SYT14: variants seen among roughly 807,000 people sequenced by gnomAD.
The protein encoded by SYT14 is synaptotagmin 14.
SYT14 carries 32 observed loss-of-function variants against 74.2 expected under a neutral mutation model. The observed-to-expected ratio is 0.43, with a 90% CI of 0.33 to 0.58. The LOEUF is 0.58. Among genes scored for constraint, SYT14 ranks in the 20% least tolerant of loss-of-function variants. SYT14 has a pLI of 0.05. For synonymous variants in SYT14, 298 were observed against 337.7 expected, an observed-to-expected ratio of 0.88 and a Z score of 1.29; for missense variants, 791 against 981.8, an observed-to-expected ratio of 0.81 and a Z score of 2.60.
intron 5 of SYT14, among the ~76,000 whole-genome samples, chr1:210,050,900 A>C (rs2080981619): frequency 6.6e-6 from 1 of 152,224 alleles, no homozygotes; most frequent in Non-Finnish European, 1.5e-5. Flanking sequence ...GGATGGAGAC[A>C]CAGCCAAACC....
chr1:209,942,222 T>C (rs990643916), intron 1 of SYT14, among the ~76,000 whole-genome samples: 19 of 152,138 alleles, frequency 1.2e-4, no homozygotes, highest in Non-Finnish European at 2.1e-4. Context: ...ACACAGAATT[T>C]TCCTGACTTA....
intron 5 of SYT14, among the ~76,000 whole-genome samples, chr1:210,084,824 T>G (rs868614924): frequency 1.3e-5 from 2 of 152,226 alleles, no homozygotes; most frequent in Admixed American, 6.5e-5. Flanking sequence ...ATCTTCTAAT[T>G]AAGTTTATGA....
At chr1:210,017,031 C>T (rs79099901) in exon 4 of SYT14, 1 of 1,231,572 alleles carries the variant, frequency 8.1e-7, no homozygotes, top group Non-Finnish European at 1.0e-6. Flanking sequence ...AAAACTGAGG[C>T]CATTTCTGCC....
intron 7 of SYT14, among the ~76,000 whole-genome samples, chr1:210,149,802 A>G (rs1394204493): frequency 1.3e-5 from 2 of 152,128 alleles, no homozygotes; most frequent in Non-Finnish European, 2.9e-5. Flanking sequence ...TAATAACTGC[A>G]CAGCAAGAGC....
At chr1:210,122,711 G>T (rs1294088424) in intron 7 of SYT14, among the ~76,000 whole-genome samples, 1 of 151,822 alleles carries the variant, frequency 6.6e-6, no homozygotes, top group East Asian at 1.9e-4. Context: ...CCTGTAGTTT[G>T]CTTACTTCTG....
At chr1:210,096,561 C>G (rs922485931) in intron 6 of SYT14, among the ~76,000 whole-genome samples, 2 of 152,218 alleles carry the variant, frequency 1.3e-5, no homozygotes, top group Non-Finnish European at 2.9e-5. Flanking sequence ...TCCTGTCTCA[C>G]TGTCTTCTTT....
intron 2 of SYT14, among the ~76,000 whole-genome samples, chr1:209,962,833 C>T (rs2079097375): frequency 6.6e-6 from 1 of 151,978 alleles, no homozygotes; most frequent in Non-Finnish European, 1.5e-5. Flanking sequence ...GAGAGCCCAT[C>T]CTGTACCTCA....
At chr1:210,019,024 T>C (rs964006501) in intron 4 of SYT14, among the ~76,000 whole-genome samples, 1 of 149,074 alleles carries the variant, frequency 6.7e-6, no homozygotes, top group Non-Finnish European at 1.5e-5. Flanking sequence ...TAATCCCAGC[T>C]ACTTGGGAGG....
At chr1:210,154,597 C>T (rs1419979589) in intron 7 of SYT14, among the ~76,000 whole-genome samples, 2 of 152,010 alleles carry the variant, frequency 1.3e-5, no homozygotes, top group African/African-American at 4.8e-5. Flanking sequence ...TGTTATTCGT[C>T]CCTTTTTTCT....
intron 5 of SYT14, among the ~76,000 whole-genome samples, chr1:210,032,267 C>T (rs541120659): frequency 6.6e-6 from 1 of 152,200 alleles, no homozygotes; most frequent in South Asian, 2.1e-4. Context: ...ATACCAGCTG[C>T]TTCCATAGCC....
intron 7 of SYT14, among the ~76,000 whole-genome samples, chr1:210,119,095 T>C (rs1572335194): frequency 6.6e-6 from 1 of 152,190 alleles, no homozygotes; most frequent in African/African-American, 2.4e-5. Context: ...GAATATGTAT[T>C]TTATAAGAAT....
chr1:210,101,014 C>T (rs1558189451), intron 7 of SYT14, among the ~76,000 whole-genome samples: 1 of 152,124 alleles, frequency 6.6e-6, no homozygotes, highest in Non-Finnish European at 1.5e-5. Context: ...TAAAGTATTT[C>T]AGGAGAACCC....
chr1:210,112,612 G>T lies in SYT14; in HGVS notation c.2034+12151G>T, dbSNP rs541420603. On this transcript the variant is annotated intron_variant, in intron 7 of 9. Coordinates refer to ENST00000637265, the Ensembl canonical transcript of SYT14. ...GGACGGAAGTTGGAAGCTAGCTGCT[G>T]CTTTAGCTACCTTGTCAGCAGAAGT... 7.2e-4 allele frequency among the ~76,000 whole-genome samples: 109 copies of T among 151,490 alleles called. 2 individuals are homozygous for T. Among genetic ancestry groups the T allele is most frequent in the Admixed American group, 3.0e-3 (46 of 15,282 alleles).
chr1:210,005,355 A>T (rs1470981275), intron 2 of SYT14, among the ~76,000 whole-genome samples: 2 of 151,992 alleles, frequency 1.3e-5, no homozygotes, highest in Non-Finnish European at 2.9e-5. Context: ...AAATCTTGAA[A>T]TAAGCTTATC....
chr1:210,118,373 T>A (rs1212475374), intron 7 of SYT14, among the ~76,000 whole-genome samples: 2 of 152,180 alleles, frequency 1.3e-5, no homozygotes, highest in African/African-American at 4.8e-5. Context: ...AAACATGCCT[T>A]CTTCATTATT....
At chr1:210,121,772 C>T (rs887504829) in intron 7 of SYT14, among the ~76,000 whole-genome samples, 45 of 146,414 alleles carry the variant, frequency 3.1e-4, no homozygotes, top group African/African-American at 5.8e-4. Context: ...CTAGCCTGGG[C>T]GACAGAGCGA....
intron 2 of SYT14, among the ~76,000 whole-genome samples, chr1:209,956,870 G>A (rs1312855406): frequency 1.3e-5 from 2 of 151,974 alleles, no homozygotes; most frequent in Non-Finnish European, 2.9e-5. Flanking sequence ...GTTTTGTTTT[G>A]TTTTGGAGGG....
exon 4 of SYT14, chr1:210,016,182 G>T (rs1336274852): frequency 8.1e-7 from 1 of 1,232,010 alleles, no homozygotes. Flanking sequence ...GAAGAGGAAA[G>T]CTCTGTAGCA....
intron 7 of SYT14, among the ~76,000 whole-genome samples, chr1:210,149,507 A>G (rs1161053499): frequency 6.6e-6 from 1 of 151,882 alleles, no homozygotes; most frequent in Admixed American, 6.6e-5. Context: ...GATTTTTATG[A>G]CCATTTCCAC....
Sources: gnomAD v4.1 joint callset for allele counts (sites outside exome capture counted in the v4.1 genomes callset) on GRCh38, gnomAD v4.1.1 for gene constraint, MANE v1.5 for transcripts, NCBI Gene and HGNC (gene_info 2026-07-23, HGNC 2026-07-21) for gene names.